Variants in LITAF observed in about 807,000 individuals in gnomAD.
The protein encoded by LITAF is lipopolysaccharide induced TNF factor, also known as lipopolysaccharide-induced tumor necrosis factor-alpha factor.
LITAF carries 9 observed loss-of-function variants against 14.5 expected under a neutral mutation model. The ratio of observed to expected loss-of-function variants is 0.62; its 90% CI spans 0.37 to 1.08. The LOEUF is 1.08. Ranked by LOEUF, LITAF falls within the 50% of genes least tolerant of loss-of-function variation. The probability of loss-of-function intolerance (pLI) is 0.01; values close to 1 mark genes in which losing one functional copy is unlikely to be tolerated. For synonymous variants in LITAF, 98 were observed against 88.2 expected (o/e 1.11, Z -0.62); for missense variants, 206 against 213.4 (o/e 0.97, Z 0.22).
chr16:11,594,514 C>G (rs775431220), intron 1 of LITAF, among the ~76,000 whole-genome samples: 1 of 152,062 alleles, frequency 6.6e-6, no homozygotes, highest in Non-Finnish European at 1.5e-5. Context: ...AGACTATGAT[C>G]CCACTTATTT....
intron 3 of LITAF, among the ~76,000 whole-genome samples, chr16:11,631,196 G>A (rs1430805522): frequency 1.3e-5 from 2 of 152,104 alleles, no homozygotes; most frequent in Admixed American, 1.3e-4. Flanking sequence ...GTGTCCTGTG[G>A]CTGCAATTAT....
chr16:11,597,944 T>C (rs2064901148), intron 1 of LITAF, among the ~76,000 whole-genome samples: 1 of 152,154 alleles, frequency 6.6e-6, no homozygotes, highest in South Asian at 2.1e-4. Context: ...TCTTGTGTAG[T>C]CACCCAGGCT....
At chr16:11,573,866 T>A (rs1176947227) in intron 1 of LITAF, among the ~76,000 whole-genome samples, 7 of 151,630 alleles carry the variant, frequency 4.6e-5, no homozygotes, top group Non-Finnish European at 7.4e-5. Flanking sequence ...CACACCCAGC[T>A]AATTTTTGTC....
upstream of LITAF, among the ~76,000 whole-genome samples, chr16:11,636,604 C>T (rs137899528): frequency 1.6e-3 from 237 of 152,312 alleles, no homozygotes; most frequent in African/African-American, 5.1e-3. Context: ...CCAATGTTGC[C>T]TGTTCCTTTA....
chr16:11,618,055 T>G (rs1388711697), intron 3 of LITAF, among the ~76,000 whole-genome samples: 1 of 152,044 alleles, frequency 6.6e-6, no homozygotes, highest in Non-Finnish European at 1.5e-5. Flanking sequence ...ATTTTTTTGT[T>G]CGAAGAGATG....
intron 3 of LITAF, among the ~76,000 whole-genome samples, chr16:11,619,647 G>T (rs2065038523): frequency 6.6e-6 from 1 of 151,294 alleles, no homozygotes; most frequent in South Asian, 2.1e-4. Context: ...GCTCACTGCA[G>T]TGTTGACTTC....
intron 1 of LITAF, among the ~76,000 whole-genome samples, chr16:11,584,567 C>A (rs1023579196): frequency 1.3e-5 from 2 of 152,160 alleles, no homozygotes; most frequent in African/African-American, 4.8e-5. Flanking sequence ...CTACTGAGAC[C>A]CTCCTGTTTG....
intron 1 of LITAF, among the ~76,000 whole-genome samples, chr16:11,579,434 G>T (rs1371730310): frequency 6.6e-6 from 1 of 150,508 alleles, no homozygotes. Context: ...GTCCGGCCTG[G>T]GCGACAGAGC....
At chr16:11,554,372 G>A (rs985738302) in intron 2 of LITAF, among the ~76,000 whole-genome samples, 2 of 152,130 alleles carry the variant, frequency 1.3e-5, no homozygotes, top group African/African-American at 4.8e-5. Context: ...AGGAAACGCA[G>A]GCCAACTCTG....
At chr16:11,588,702 A>G (rs1567255860), upstream of LITAF, among the ~76,000 whole-genome samples, 1 of 152,162 alleles carries the variant, frequency 6.6e-6, no homozygotes, top group East Asian at 1.9e-4. Context: ...ACCAATTATT[A>G]TACTGACATT....
chr16:11,627,023 A>G (rs2065088324), intron 3 of LITAF, among the ~76,000 whole-genome samples: 1 of 152,022 alleles, frequency 6.6e-6, no homozygotes, highest in African/African-American at 2.4e-5. Context: ...AGCTTCTTCC[A>G]GTCTGATCCC....
chr16:11,571,868 G>A (rs2064545960), intron 1 of LITAF, among the ~76,000 whole-genome samples: 2 of 152,088 alleles, frequency 1.3e-5, no homozygotes, highest in Admixed American at 1.3e-4. Context: ...GAGGTGAGGT[G>A]GGGAGATCAC....
intron 1 of LITAF, among the ~76,000 whole-genome samples, chr16:11,577,143 C>T (rs13380594): frequency 7.1e-4 from 108 of 152,218 alleles, no homozygotes; most frequent in African/African-American, 2.5e-3. Context: ...GACCATATTA[C>T]GTTACTCTCT....
upstream of LITAF, chr16:11,587,506 C>A (rs1178123585): frequency 2.2e-6 from 1 of 452,486 alleles, no homozygotes; most frequent in Non-Finnish European, 4.4e-6. Flanking sequence ...GGCACAATAG[C>A]GGTCCTGTCT....
At chr16:11,618,345 T>G (rs1052906296) in intron 3 of LITAF, among the ~76,000 whole-genome samples, 1 of 152,198 alleles carries the variant, frequency 6.6e-6, no homozygotes, top group Non-Finnish European at 1.5e-5. Context: ...AGGAGAGCCC[T>G]GAATTTGTAA....
In LITAF at chr16:11,558,892, A is replaced by G. The variant is rs1430320299; in HGVS notation, c.-5-2157T>C. Among the ~76,000 whole-genome samples the G allele has an allele frequency of 1.3e-5, 2 of 152,170 alleles. No individual in the cohort carries two copies. The highest frequency in any genetic ancestry group is 2.9e-5 in the Non-Finnish European group (2 of 68,046). ...AACAGAATCTTCTGTGAGGATGGAA[A>G]TGCTCTGTATCTGCTGCCCAATATA... On this transcript the variant is annotated intron_variant, in intron 1 of 3. Transcript: ENST00000622633. The surrounding 1 kb of genome is among the most constrained non-coding windows in gnomAD (Gnocchi z 4.1).
At chr16:11,591,969 A>G (rs147235866), upstream of LITAF, among the ~76,000 whole-genome samples, 1 of 152,240 alleles carries the variant, frequency 6.6e-6, no homozygotes, top group African/African-American at 2.4e-5. Context: ...ACCTCACATC[A>G]TATACAAAGG....
chr16:11,572,218 C>T (rs1567245914), intron 1 of LITAF, among the ~76,000 whole-genome samples: 1 of 152,156 alleles, frequency 6.6e-6, no homozygotes, highest in Non-Finnish European at 1.5e-5. Flanking sequence ...CACGTCAAGA[C>T]ACTCCTGTTC....
chr16:11,639,650 A>G (rs1228369449), upstream of LITAF, among the ~76,000 whole-genome samples: 1 of 152,096 alleles, frequency 6.6e-6, no homozygotes, highest in Non-Finnish European at 1.5e-5. Context: ...AATGAAACAG[A>G]GAGAAAAGGA....
Sources: gnomAD v4.1 joint callset for allele counts (sites outside exome capture counted in the v4.1 genomes callset) on GRCh38, gnomAD v4.1.1 for gene constraint, Gnocchi (gnomAD v3.1) non-coding constraint, MANE v1.5 for transcripts, NCBI Gene and HGNC (gene_info 2026-07-23, HGNC 2026-07-21) for gene names.